AHRR: variants seen among roughly 807,000 people sequenced by gnomAD.
AHRR encodes the protein aryl hydrocarbon receptor repressor.
AHRR carries 28 observed loss-of-function variants against 44.0 expected under a neutral mutation model. The ratio of observed to expected loss-of-function variants is 0.64; its 90% CI spans 0.47 to 0.87. The LOEUF (loss-of-function observed/expected upper bound fraction) is 0.87. AHRR is among the 40% of genes least tolerant of loss of function. The pLI is 0.00. For synonymous variants in AHRR, 434 were observed against 407.0 expected, an observed-to-expected ratio of 1.07 and a Z score of -0.80; for missense variants, 990 against 953.9, an observed-to-expected ratio of 1.04 and a Z score of -0.50.
In AHRR at chr5:434,287, C is replaced by T. The variant is rs369058815; in HGVS notation, c.1547C>T (p.Pro516Leu). The stretch of plus-strand genomic sequence containing the variant: ...GAGGACATGAAGCTGCAAGGTGTAC[C>T]GATGCCTCCGGGGGACCTGTGTGGT... ...PMEDMKLQGV[P>L]MPPGDLCGPT... The change falls in exon 11 of 11, where the codon CCG (proline) becomes CTG (leucine). Residue 516 changes from proline to leucine, a missense_variant. Coordinates refer to ENST00000684583, the MANE Select transcript of AHRR (RefSeq NM_001377236.1). 63 of 1,607,256 alleles carry T rather than the reference C, an allele frequency of 3.9e-5. No individual in the cohort carries two copies. Among genetic ancestry groups the T allele is most frequent in the Non-Finnish European group, 4.8e-5 (57 of 1,176,706 alleles).
intron 5 of AHRR, among the ~76,000 whole-genome samples, chr5:421,740 C>T (rs2126531280): frequency 6.6e-6 from 1 of 152,346 alleles, no homozygotes; most frequent in East Asian, 1.9e-4. Flanking sequence ...AGGGCCACCT[C>T]CTCCTTCTGC....
At chr5:384,831 T>C (rs980817876) in intron 4 of AHRR, among the ~76,000 whole-genome samples, 4 of 152,226 alleles carry the variant, frequency 2.6e-5, no homozygotes, top group African/African-American at 7.2e-5. Context: ...TGCATTTCCC[T>C]GTGGTATCAG....
intron 8 of AHRR, among the ~76,000 whole-genome samples, chr5:430,067 C>A (rs574508049): frequency 3.9e-5 from 6 of 152,228 alleles, no homozygotes; most frequent in Non-Finnish European, 7.3e-5. Context: ...CTGTTCTGGG[C>A]GCTGCCTTTA....
rs1742231280 is a variant in AHRR at position 338,920 on chromosome 5, T to C, written c.-10-4973T>C. On this transcript the variant is annotated intron_variant, in intron 1 of 10. Coordinates refer to ENST00000684583, the MANE Select transcript of AHRR (RefSeq NM_001377236.1). The surrounding 1 kb of genome is among the most constrained non-coding windows in gnomAD (Gnocchi z 4.1). ...TACACATATATTAGGTCTCTTGAAA[T>C]ACCTATTTTATTTTTATTGGGGTGC... 6.6e-6 allele frequency among the ~76,000 whole-genome samples: 1 copy of C among 152,204 alleles called. No individual in the cohort carries two copies. The highest frequency in any genetic ancestry group is 1.5e-5 in the Non-Finnish European group (1 of 68,024).
chr5:435,389 G>T lies in AHRR; in HGVS notation c.*555G>T, dbSNP rs1168961783. 3 of 153,914 alleles carry T rather than the reference G, an allele frequency of 1.9e-5. No individual in the cohort carries two copies. The highest frequency in any genetic ancestry group is 7.2e-5 in the African/African-American group (3 of 41,498). The allele number at this position is 153,914 out of a possible 1,614,324, so 9.5% of individuals were successfully genotyped here. A position where few individuals can be genotyped will look rare whatever the true frequency, so the allele number is the denominator to read the frequency against. The stretch of plus-strand genomic sequence containing the variant: ...GTAGAGGCCAGCACACGGCAAATTA[G>T]AAATACAACACGCGGAGAAAGGGGT... On this transcript the variant is annotated 3_prime_UTR_variant, in exon 11 of 11. Transcript: ENST00000684583.
At chr5:410,572 G>T (rs1348948899) in intron 4 of AHRR, among the ~76,000 whole-genome samples, 1 of 152,130 alleles carries the variant, frequency 6.6e-6, no homozygotes, top group East Asian at 1.9e-4. Context: ...TTAAAATGAT[G>T]ATTGGGATTG....
At chr5:325,079 C>T (rs1741657879) in intron 1 of AHRR, among the ~76,000 whole-genome samples, 3 of 152,214 alleles carry the variant, frequency 2.0e-5, no homozygotes, top group African/African-American at 7.2e-5. Flanking sequence ...GCTTCCGTCT[C>T]AATTCCGGCT....
intron 7 of AHRR, 132 bp from the exon 8 acceptor site, chr5:427,675 T>C (rs765524322): frequency 1.9e-5 from 31 of 1,613,382 alleles, no homozygotes; most frequent in Non-Finnish European, 2.6e-5. Flanking sequence ...GGCTCTGCTG[T>C]CCCGAGCCAC....
Position 339,438 on chromosome 5 carries a change from A to C in AHRR, c.-10-4455A>C, listed in dbSNP as rs142945462. 2.0e-5 allele frequency among the ~76,000 whole-genome samples: 3 copies of C among 152,306 alleles called. No individual in the cohort carries two copies. The East Asian group carries it at 5.8e-4, about 29-fold the overall frequency. On this transcript the variant is annotated intron_variant, in intron 1 of 10. Coordinates refer to ENST00000684583, the MANE Select transcript of AHRR (RefSeq NM_001377236.1). ...ACTCAGCCTTTTTGGAATTTTCTAC[A>C]TGTACAATCATGTCTGCGAACAGAT...
At chr5:409,625 T>C (rs1260227923) in intron 4 of AHRR, among the ~76,000 whole-genome samples, 1 of 151,290 alleles carries the variant, frequency 6.6e-6, no homozygotes, top group Non-Finnish European at 1.5e-5. Context: ...GTAAAGTATC[T>C]GTGCAAACGT....
chr5:346,594 G>C (rs1032446694), intron 2 of AHRR, among the ~76,000 whole-genome samples: 10 of 152,082 alleles, frequency 6.6e-5, no homozygotes, highest in Non-Finnish European at 8.8e-5. Context: ...GCCCACCCCC[G>C]GGGGACCCAG....
chr5:383,622 A>G lies in AHRR; in HGVS notation c.351+6906A>G, dbSNP rs1734067192. On this transcript the variant is annotated intron_variant, in intron 4 of 10. Transcript: ENST00000684583. This position sits in a 1 kb window ranked among gnomAD's most constrained non-coding sequence, Gnocchi z 4.0. ...CTGTCACCCAGGCTGAAGTGCAGCA[A>G]TGTGATCATAGCTCACTGTAACCTT... 2.0e-5 allele frequency among the ~76,000 whole-genome samples: 3 copies of G among 151,688 alleles called. No homozygotes were observed. Among genetic ancestry groups the G allele is most frequent in the Admixed American group, 1.3e-4 (2 of 15,232 alleles).
At chr5:401,959 A>G (rs1214441434) in intron 4 of AHRR, among the ~76,000 whole-genome samples, 4 of 152,214 alleles carry the variant, frequency 2.6e-5, no homozygotes, top group African/African-American at 7.2e-5. Flanking sequence ...ACAGGCCTGC[A>G]CCAAACTGAA....
rs1161216045 is a variant in AHRR at position 434,229 on chromosome 5, G to A, written c.1489G>A (p.Ala497Thr). 4 of 1,591,274 alleles carry A rather than the reference G, an allele frequency of 2.5e-6. No individual in the cohort carries two copies. Among genetic ancestry groups the A allele is most frequent in the Admixed American group, 1.7e-5 (1 of 58,118 alleles). Residue 497 changes from alanine (A) to threonine (T), a missense_variant, in exon 11 of 11, where the codon GCT becomes ACT. Physicochemically the swap from Ala to Thr is moderately conservative, Grantham distance 58. Coordinates refer to ENST00000684583, the MANE Select transcript of AHRR (RefSeq NM_001377236.1). Reference sequence around the variant, plus strand: ...GCAGCACCAGCTCCCTCAGCCTGGAGCTCAGCGTTTTGCCACGAGGGGCTA... The same window carrying A: ...GCAGCACCAGCTCCCTCAGCCTGGAACTCAGCGTTTTGCCACGAGGGGCTA... ...SLQHQLPQPG[A>T]QRFATRGYPM...
chr5:400,145 G>A (rs190995504), intron 4 of AHRR, among the ~76,000 whole-genome samples: 21 of 152,380 alleles, frequency 1.4e-4, no homozygotes, highest in African/African-American at 4.1e-4. Flanking sequence ...TTTACTCCGA[G>A]GAGGGGCAGC....
At chr5:333,750 G>C (rs957115663) in intron 1 of AHRR, among the ~76,000 whole-genome samples, 1 of 152,146 alleles carries the variant, frequency 6.6e-6, no homozygotes, top group African/African-American at 2.4e-5. Context: ...TTGTCATTGT[G>C]GTTTGGCTGA....
At position 370,136 on chromosome 5, in the gene AHRR, G is replaced by C. The variant is rs531050271; in HGVS notation, c.245-6474G>C. On this transcript the variant is annotated intron_variant, in intron 3 of 10. Transcript: ENST00000684583. This position sits in a 1 kb window ranked among gnomAD's most constrained non-coding sequence, Gnocchi z 4.5. ...GGAAGCCCCGTCCTCCCGGGCCCTC[G>C]CTGGTGCCCCGTCCTCCCGGGCCCT... is the stretch of plus-strand genomic sequence containing the variant. 6.6e-4 allele frequency among the ~76,000 whole-genome samples: 93 copies of C among 140,996 alleles called. No individual in the cohort carries two copies. Among genetic ancestry groups the C allele is most frequent in the African/African-American group, 2.4e-3 (90 of 37,050 alleles). 92.5% of individuals were successfully genotyped at this position (140,996 alleles called of 152,430 possible).
Position 427,895 on chromosome 5 carries a change from T to C in AHRR, c.797T>C (p.Leu266Pro), listed in dbSNP as rs1736531040. 1.9e-6 allele frequency: 3 copies of C among 1,614,146 alleles called. No homozygotes were observed. In the East Asian group the frequency reaches 6.7e-5, roughly 36 times the overall value. The change falls in exon 8 of 11, where the codon CTG (leucine) becomes CCG (proline). Residue 266 changes from leucine (L) to proline (P), a missense_variant. Leu to Pro is a moderately conservative substitution (Grantham distance 98, BLOSUM62 -3). Transcript: ENST00000684583. ...GCCATGCTCCCGCCGCGGCTGTCGCTGTTCTGCATTGCGGCACCCGTTCTC... is the reference window on the plus strand; with the variant it reads ...GCCATGCTCCCGCCGCGGCTGTCGCCGTTCTGCATTGCGGCACCCGTTCTC... The part of the protein sequence containing the change: ...SGAMLPPRLS[L>P]FCIAAPVLLP...
At chr5:403,213 G>A (rs1735096134) in intron 4 of AHRR, among the ~76,000 whole-genome samples, 1 of 152,166 alleles carries the variant, frequency 6.6e-6, no homozygotes, top group Non-Finnish European at 1.5e-5. Context: ...GAGGAGGGGA[G>A]TGGGGGTGAG....
Sources: allele counts gnomAD v4.1 joint callset (sites outside exome capture counted in the v4.1 genomes callset), GRCh38; gene constraint gnomAD v4.1.1; non-coding constraint Gnocchi (gnomAD v3.1); transcripts MANE v1.5; gene names NCBI Gene and HGNC (gene_info 2026-07-23, HGNC 2026-07-21).